LRMDA: variants seen among roughly 807,000 people sequenced by gnomAD.
LRMDA encodes the protein leucine rich melanocyte differentiation associated, also known as leucine-rich melanocyte differentiation-associated protein.
LRMDA carries 18 observed loss-of-function variants against 29.8 expected under a neutral mutation model. The observed-to-expected ratio is 0.60, with a 90% confidence interval of 0.42 to 0.90. The LOEUF (loss-of-function observed/expected upper bound fraction) is 0.90, where lower values mean the gene tolerates loss of function less well. LRMDA is among the 40% of genes least tolerant of loss of function. The pLI is 0.00. For missense variants in LRMDA, 273 were observed against 273.9 expected (o/e 1.00, Z 0.02); for synonymous variants, 125 against 109.4 (o/e 1.14, Z -0.89).
chr10:75,893,701 C>T (rs753758648), intron 2 of LRMDA, among the ~76,000 whole-genome samples: 6 of 151,990 alleles, frequency 3.9e-5, no homozygotes, highest in East Asian at 1.9e-4. Context: ...TTTGGGAGGC[C>T]GAGGCGGGTG....
At chr10:76,478,255 C>T (rs1463558969) in intron 6 of LRMDA, among the ~76,000 whole-genome samples, 3 of 152,176 alleles carry the variant, frequency 2.0e-5, no homozygotes, top group Admixed American at 1.3e-4. Flanking sequence ...ACAGACACTT[C>T]TCAAAAGAAG....
At chr10:76,158,699 C>T (rs1358225909) in intron 5 of LRMDA, among the ~76,000 whole-genome samples, 1 of 152,152 alleles carries the variant, frequency 6.6e-6, no homozygotes, top group Non-Finnish European at 1.5e-5. Context: ...TAAAGATCAT[C>T]ATGCTGAATT....
Position 75,438,435 on chromosome 10 carries a change from C to T in LRMDA, c.72C>T (p.His24=). The change falls in exon 2 of 7, where the codon CAC becomes CAT. Residue 24 remains histidine, a synonymous_variant. Coordinates refer to ENST00000611255, the MANE Select transcript of LRMDA (RefSeq NM_001305581.2). The part of the protein sequence containing the change: ...IGQDCREIPE[H]LGRDCGHFAK... The stretch of plus-strand genomic sequence containing the variant: ...AGGACTGCAGAGAAATTCCAGAGCA[C>T]CTTGGCAGGGACTGTGGACATTTCG... 1.9e-6 allele frequency: 3 copies of T among 1,551,010 alleles called. No homozygotes were observed. The highest frequency in any genetic ancestry group is 2.6e-6 in the Non-Finnish European group (3 of 1,147,068).
At chr10:75,508,260 T>G (rs968818134) in intron 2 of LRMDA, among the ~76,000 whole-genome samples, 5 of 39,030 alleles carry the variant, frequency 1.3e-4, no homozygotes, top group African/African-American at 2.2e-4. Context: ...TATGGTGGTG[T>G]TTTTTTCCCC....
At chr10:75,746,251 C>A (rs1306401370) in intron 2 of LRMDA, among the ~76,000 whole-genome samples, 5 of 152,336 alleles carry the variant, frequency 3.3e-5, no homozygotes, top group African/African-American at 1.2e-4. Context: ...AATTTAATTT[C>A]AGACTGACAG....
intron 2 of LRMDA, among the ~76,000 whole-genome samples, chr10:75,557,317 T>TA (rs35472435): frequency 0.61 from 86,146 of 142,286 alleles, 28,524 homozygotes; most frequent in South Asian, 0.78. Context: ...CTGTCTCAAT[T>TA]AAAAAAAAAA....
chr10:75,702,170 C>T (rs1346075935), intron 2 of LRMDA, among the ~76,000 whole-genome samples: 1 of 152,162 alleles, frequency 6.6e-6, no homozygotes, highest in East Asian at 1.9e-4. Context: ...TTGCGATGTG[C>T]TCCCAGAGCA....
chr10:76,120,366 T>C (rs1171521534), intron 5 of LRMDA, among the ~76,000 whole-genome samples: 1 of 151,988 alleles, frequency 6.6e-6, no homozygotes, highest in African/African-American at 2.4e-5. Flanking sequence ...TTTTTGTATT[T>C]TAGCGGAGAC....
At chr10:75,965,559 G>T (rs115659328) in intron 2 of LRMDA, among the ~76,000 whole-genome samples, 1 of 151,834 alleles carries the variant, frequency 6.6e-6, no homozygotes, top group Non-Finnish European at 1.5e-5. Context: ...TTACTTCTCC[G>T]CACTCCACTA....
At chr10:75,953,793 GGC>G (rs1846618115) in intron 2 of LRMDA, among the ~76,000 whole-genome samples, 1 of 152,108 alleles carries the variant, frequency 6.6e-6, no homozygotes, top group South Asian at 2.1e-4. Context: ...TACTAAGAAT[GGC>G]CCCCGCAGTA....
At chr10:76,212,236 A>AACACACACAC (rs35344389) in intron 5 of LRMDA, among the ~76,000 whole-genome samples, 104 of 142,882 alleles carry the variant, frequency 7.3e-4, no homozygotes, top group Admixed American at 1.4e-3. Flanking sequence ...TGAAAATTAA[A>AACACACACAC]ACACACACAC....
intron 6 of LRMDA, among the ~76,000 whole-genome samples, chr10:76,363,126 A>AAAGG (rs1374121588): frequency 4.7e-5 from 1 of 21,164 alleles, no homozygotes; most frequent in African/African-American, 2.1e-4. Context: ...GGAAAGAAAG[A>AAAGG]AAGAAAGAAA....
chr10:75,809,888 G>C (rs1169189140), intron 2 of LRMDA, among the ~76,000 whole-genome samples: 1 of 152,176 alleles, frequency 6.6e-6, no homozygotes, highest in East Asian at 1.9e-4. Context: ...AAAATGCAGA[G>C]GTCCTTGTTT....
At chr10:76,457,104 C>T (rs1283818592) in intron 6 of LRMDA, among the ~76,000 whole-genome samples, 1 of 152,186 alleles carries the variant, frequency 6.6e-6, no homozygotes, top group Non-Finnish European at 1.5e-5. Flanking sequence ...AGCATTCCTT[C>T]AGGCTTCTCT....
chr10:76,416,003 A>G (rs963183386), intron 6 of LRMDA, among the ~76,000 whole-genome samples: 5 of 152,210 alleles, frequency 3.3e-5, no homozygotes, highest in Admixed American at 2.0e-4. Context: ...GGGCTTTGTG[A>G]AGCCGCTATT....
intron 5 of LRMDA, among the ~76,000 whole-genome samples, chr10:76,315,124 T>C (rs1438569736): frequency 1.3e-5 from 2 of 152,244 alleles, no homozygotes; most frequent in Admixed American, 1.3e-4. Context: ...TGGGTTTTCT[T>C]GGACTAGTAC....
rs936141625 is a variant in LRMDA, at chr10:75,477,295, C to T, written c.131+38801C>T. On this transcript the variant is annotated intron_variant, in intron 2 of 6. Coordinates refer to ENST00000611255, the MANE Select transcript of LRMDA (RefSeq NM_001305581.2). ...ACCAGTCATGTTGGATTAGGGCCCA[C>T]CCTAATAACCTCATTTTAACTTAGT... is the stretch of plus-strand genomic sequence containing the variant. 2.6e-4 allele frequency among the ~76,000 whole-genome samples: 40 copies of T among 152,104 alleles called. 1 individual carries two copies. Among genetic ancestry groups the T allele is most frequent in the African/African-American group, 9.4e-4 (39 of 41,412 alleles).
chr10:75,530,712 T>C (rs766928659), intron 2 of LRMDA, among the ~76,000 whole-genome samples: 6 of 152,162 alleles, frequency 3.9e-5, no homozygotes, highest in Non-Finnish European at 8.8e-5. Context: ...TCACTGAGAC[T>C]GGGGAAGAAC....
intron 2 of LRMDA, among the ~76,000 whole-genome samples, chr10:75,836,326 G>A (rs992496607): frequency 1.3e-5 from 2 of 152,188 alleles, no homozygotes; most frequent in Non-Finnish European, 2.9e-5. Context: ...TCCTCCACAA[G>A]CAAACCAGGG....
Sources: gnomAD v4.1 joint callset for allele counts (sites outside exome capture counted in the v4.1 genomes callset) on GRCh38, gnomAD v4.1.1 for gene constraint, MANE v1.5 for transcripts, NCBI Gene and HGNC (gene_info 2026-07-23, HGNC 2026-07-21) for gene names.